Variants in KRT12 observed in about 807,000 individuals in gnomAD.
KRT12 encodes keratin, type I cytoskeletal 12.
Under a neutral mutation model 50.2 loss-of-function variants are expected in KRT12, and 43 were observed. The observed-to-expected ratio is 0.86, with a 90% CI of 0.67 to 1.11. KRT12 has a LOEUF of 1.11. Ranked by LOEUF, KRT12 falls within the 50% of genes least tolerant of loss-of-function variation. The probability of loss-of-function intolerance (pLI) is 0.00; values close to 1 mark genes in which losing one functional copy is unlikely to be tolerated. For missense variants in KRT12, 588 were observed against 625.6 expected (o/e 0.94, Z 0.64); for synonymous variants, 257 against 253.6 (o/e 1.01, Z -0.13).
Position 40,866,680 on chromosome 17 carries a change from T to C in KRT12, c.507A>G (p.Ala169=). Residue 169 remains alanine (A), a synonymous_variant, in exon 1 of 8, where the codon GCA becomes GCG. Coordinates refer to ENST00000251643, the MANE Select transcript of KRT12 (RefSeq NM_000223.4). ...EWYETRGTGT[A]DASQSDYSKY... ...TGCTGTAATCGCTCTGTGAAGCATC[T>C]GCAGTCCCAGTTCCTCGTGTTTCAT... 1 of 1,614,232 alleles carries C rather than the reference T, an allele frequency of 6.2e-7. No homozygotes were observed. Among genetic ancestry groups the C allele is most frequent in the Non-Finnish European group, 8.5e-7 (1 of 1,180,024 alleles).
rs1906812664 is a variant in KRT12 at position 40,861,777 on chromosome 17, T to C, written c.1388-19A>G. 2 of 1,499,602 alleles carry C rather than the reference T, an allele frequency of 1.3e-6. No homozygotes were observed. Among genetic ancestry groups the C allele is most frequent in the Admixed American group, 3.3e-5 (2 of 59,886 alleles). The allele number at this position is 1,499,602 out of a possible 1,614,324, so 92.9% of individuals were successfully genotyped here. A position where few individuals can be genotyped will look rare whatever the true frequency, so the allele number is the denominator to read the frequency against. ...GTTGGGTCTAAAGATAAAAATGGAA[T>C]AAGGGGGCAAGAGTTAGTGTTTCAA... On this transcript the variant is annotated intron_variant, in intron 7 of 7. Transcript: ENST00000251643.
intron 1 of KRT12, 135 bp from the exon 2 acceptor site, chr17:40,866,372 C>A (rs1907022337): frequency 1.3e-6 from 1 of 785,644 alleles, no homozygotes; most frequent in African/African-American, 1.7e-5. Context: ...TTTCATTTTT[C>A]TAAGACAATA....
Position 40,864,900 on chromosome 17 carries a change from A to AC in KRT12, c.712dup (p.Val238GlyfsTer33). The AC allele has an allele frequency of 6.2e-7, 1 of 1,614,200 alleles. No individual in the cohort carries two copies. Among genetic ancestry groups the AC allele is most frequent in the East Asian group, 2.2e-5 (1 of 44,884 alleles). ...CCTGGTCAGGGTCAGCTCGTCCAGC[A>AC]CCCGGCGCAGGCCATTGATGTCGGC... On this transcript the variant is annotated frameshift_variant, in exon 3 of 8. Transcript: ENST00000251643. LOFTEE classifies it high-confidence loss of function.
chr17:40,862,258 G>C (rs1285482534), intron 7 of KRT12, among the ~76,000 whole-genome samples: 1 of 151,774 alleles, frequency 6.6e-6, no homozygotes, highest in Non-Finnish European at 1.5e-5. Flanking sequence ...GTTTTTTGTA[G>C]AGATGGGGTC....
rs771319088 is a variant in KRT12 at position 40,867,216 on chromosome 17, G to C, written c.-30C>G. 2.5e-6 allele frequency: 4 copies of C among 1,584,088 alleles called. No homozygotes were observed. Among genetic ancestry groups the C allele is most frequent in the Non-Finnish European group, 3.4e-6 (4 of 1,164,448 alleles). On this transcript the variant is annotated 5_prime_UTR_variant, in exon 1 of 8. Transcript: ENST00000251643. ...TGGGGAAGGTGGCCACAACTGGAGA[G>C]GAAGTTGTGCCAGCAAGCCAGAAAG...
At position 40,861,578 on chromosome 17, in the gene KRT12, G is replaced by A. The variant is rs917465386; in HGVS notation, c.*83C>T. On this transcript the variant is annotated 3_prime_UTR_variant, in exon 8 of 8. Transcript: ENST00000251643. ...CAAAAATAGGGATTGAAGTAATACA[G>A]CATGTTACTCTGAAAGGAATAATTT... The A allele has an allele frequency of 2.3e-6, 2 of 863,306 alleles. No individual in the cohort carries two copies. Among genetic ancestry groups the A allele is most frequent in the African/African-American group, 3.3e-5 (2 of 60,822 alleles). The allele number at this position is 863,306 out of a possible 1,614,324, so 53.5% of individuals were successfully genotyped here.
At position 40,861,704 on chromosome 17, in the gene KRT12, T is replaced by C. The variant is rs769548419; in HGVS notation, c.1442A>G (p.Glu481Gly). ...KTVVQEMVNG[E>G]VVSSQVQEIE... The stretch of plus-strand genomic sequence containing the variant: ...TTCCTGAACTTGAGATGAGACCACC[T>C]CACCATTCACCATCTCCTGCACAAC... The change falls in exon 8 of 8, where the codon GAG becomes GGG. Residue 481 changes from glutamate (E) to glycine (G), a missense_variant. Physicochemically the swap from Glu to Gly is moderately conservative, Grantham distance 98. Transcript: ENST00000251643. 3 of 1,613,908 alleles carry C rather than the reference T, an allele frequency of 1.9e-6. No homozygotes were observed. The South Asian group carries it at 3.3e-5, about 18-fold the overall frequency.
At chr17:40,866,569 TG>T in intron 1 of KRT12, 50 bp downstream of exon 1, 1 of 1,459,892 alleles carries the variant, frequency 6.8e-7, no homozygotes, top group African/African-American at 1.4e-5. Flanking sequence ...AACATTGTAA[TG>T]GTAAAAAGGA....
At chr17:40,862,202 G>A (rs1255357818) in intron 7 of KRT12, among the ~76,000 whole-genome samples, 4 of 152,052 alleles carry the variant, frequency 2.6e-5, no homozygotes, top group Non-Finnish European at 5.9e-5. Context: ...CAGAGTAGCC[G>A]AGATCACAGG....
chr17:40,863,170 C>A lies in KRT12; in HGVS notation c.1269G>T (p.Glu423Asp). 1 of 1,614,168 alleles carries A rather than the reference C, an allele frequency of 6.2e-7. No homozygotes were observed. The highest frequency in any genetic ancestry group is 8.5e-7 in the Non-Finnish European group (1 of 1,180,020). The change falls in exon 6 of 8, where the codon GAG becomes GAT. Residue 423 changes from glutamate to aspartate, a missense_variant. Physicochemically the swap from Glu to Asp is conservative, Grantham distance 45 (BLOSUM62 2). Coordinates refer to ENST00000251643, the MANE Select transcript of KRT12 (RefSeq NM_000223.4). The surrounding 1 kb of genome is among the most constrained non-coding windows in gnomAD (Gnocchi z 4.2). Reference sequence around the variant, plus strand: ...GGCGGCGGTAGGTCTCAATCTCCAGCTCCAGGCGGGCCTTGACATTCAGCA... The same window carrying A: ...GGCGGCGGTAGGTCTCAATCTCCAGATCCAGGCGGGCCTTGACATTCAGCA... ...QRLLNVKARL[E>D]LEIETYRRLL...
chr17:40,864,582 T>C (rs1350155323), intron 3 of KRT12, among the ~76,000 whole-genome samples: 2 of 152,066 alleles, frequency 1.3e-5, no homozygotes, highest in Non-Finnish European at 2.9e-5. Flanking sequence ...CTCAAATTTG[T>C]TGAGCCTTAG....
At chr17:40,862,271 G>A (rs1384265765) in intron 7 of KRT12, among the ~76,000 whole-genome samples, 2 of 151,738 alleles carry the variant, frequency 1.3e-5, no homozygotes, top group Admixed American at 6.6e-5. Flanking sequence ...ATGGGGTCTC[G>A]CTATTTGCCC....
intron 3 of KRT12, 79 bp downstream of exon 3, chr17:40,864,727 T>G: frequency 6.8e-7 from 1 of 1,464,676 alleles, no homozygotes; most frequent in Non-Finnish European, 9.5e-7. Flanking sequence ...TGACTCCAGA[T>G]TTCTAAATTT....
Position 40,863,866 on chromosome 17 carries a change from TG to T in KRT12, c.808-3del. On this transcript the variant is annotated splice_polypyrimidine_tract_variant and splice_region_variant and intron_variant, in intron 3 of 7. Transcript: ENST00000251643. This position sits in a 1 kb window ranked among gnomAD's most constrained non-coding sequence, Gnocchi z 4.2. ...GCCCACCCGGAAGCTTTGGAGCTCC[TG>T]GGGACAGCATGTGAGAGAGAGGGGC... The T allele has an allele frequency of 6.3e-7, 1 of 1,597,340 alleles. No homozygotes were observed. The highest frequency in any genetic ancestry group is 2.2e-4 in the Middle Eastern group (1 of 4,596).
At chr17:40,862,440 C>T in intron 7 of KRT12, 125 bp downstream of exon 7, 1 of 741,828 alleles carries the variant, frequency 1.3e-6, no homozygotes, top group Non-Finnish European at 2.4e-6. Context: ...TTTTCCTTGG[C>T]TCAGAATATA....
chr17:40,866,012 T>G, intron 2 of KRT12, 143 bp downstream of exon 2: 1 of 701,750 alleles, frequency 1.4e-6, no homozygotes, highest in Non-Finnish European at 2.6e-6. Flanking sequence ...CTAATTACTT[T>G]CTAGAACACC....
Position 40,867,077 on chromosome 17 carries a change from C to G in KRT12, c.110G>C (p.Ser37Thr). The G allele has an allele frequency of 6.2e-7, 1 of 1,613,456 alleles. No individual in the cohort carries two copies. The highest frequency in any genetic ancestry group is 8.5e-7 in the Non-Finnish European group (1 of 1,179,572). Residue 37 changes from serine (S) to threonine (T), a missense_variant, in exon 1 of 8, where the codon AGT becomes ACT. Coordinates refer to ENST00000251643, the MANE Select transcript of KRT12 (RefSeq NM_000223.4). ...ACTTCCCCCATAACCACTTCCAACA[C>G]TGGAAGCAGACATGCCCCTGGGTCT... ...IGRPRGMSASSVGSGYGGSAF... is the reference protein window; with the variant it reads ...IGRPRGMSASTVGSGYGGSAF...
At position 40,866,989 on chromosome 17, in the gene KRT12, A is replaced by C. The variant is rs1567743376; in HGVS notation, c.198T>G (p.Ser66Arg). 3 of 1,598,036 alleles carry C rather than the reference A, an allele frequency of 1.9e-6. No homozygotes were observed. Among genetic ancestry groups the C allele is most frequent in the Non-Finnish European group, 2.6e-6 (3 of 1,172,712 alleles). The change falls in exon 1 of 8, where the codon AGT becomes AGG. Residue 66 changes from serine (S) to arginine (R), a missense_variant. By Grantham distance (110) the Ser-to-Arg change is moderately radical. Transcript: ENST00000251643. ...TTCCGGAGCCACCCCCAAAGCCGGAACTAGAACCAAACATGGAAGCAGCAG... is the reference window on the plus strand; with the variant it reads ...TTCCGGAGCCACCCCCAAAGCCGGACCTAGAACCAAACATGGAAGCAGCAG... ...GFSAASMFGS[S>R]SGFGGGSGSS...
intron 2 of KRT12, 122 bp from the exon 3 acceptor site, chr17:40,865,084 G>A (rs995973232): frequency 3.9e-6 from 4 of 1,027,882 alleles, no homozygotes; most frequent in African/African-American, 3.2e-5. Context: ...GCATTGTAGT[G>A]TATGATGCAG....
Sources: gnomAD v4.1 joint callset for allele counts (sites outside exome capture counted in the v4.1 genomes callset) on GRCh38, gnomAD v4.1.1 for gene constraint, Gnocchi (gnomAD v3.1) non-coding constraint, MANE v1.5 for transcripts, NCBI Gene and HGNC (gene_info 2026-07-23, HGNC 2026-07-21) for gene names.